Variants in TNRC6C observed in about 807,000 individuals in gnomAD.
TNRC6C encodes trinucleotide repeat-containing gene 6C protein.
Under a neutral mutation model 153.7 loss-of-function variants are expected in TNRC6C, and 20 were observed. The observed-to-expected ratio is 0.13, with a 90% CI of 0.09 to 0.19. The LOEUF is 0.19. Ranked by LOEUF, TNRC6C falls within the 10% of genes least tolerant of loss-of-function variation. TNRC6C has a pLI of 1.00. For synonymous variants in TNRC6C, 811 were observed against 841.4 expected (o/e 0.96, Z 0.63); for missense variants, 1,987 against 2,172.0 (o/e 0.91, Z 1.69).
chr17:78,050,394 G>A, exon 3 of TNRC6C: 2 of 1,614,008 alleles, frequency 1.2e-6, no homozygotes, highest in Non-Finnish European at 1.7e-6. Context: ...CAAGAGTTCT[G>A]TCTAATACTG....
At chr17:77,969,162 A>G (rs2070921624) in intron 1 of TNRC6C, among the ~76,000 whole-genome samples, 1 of 152,228 alleles carries the variant, frequency 6.6e-6, no homozygotes. Context: ...TGAAGAAGCC[A>G]GGTCACCTAA....
intron 12 of TNRC6C, 61 bp from the exon 15 acceptor site, chr17:78,086,792 C>G (rs1380357523): frequency 2.6e-5 from 41 of 1,591,592 alleles, no homozygotes; most frequent in Non-Finnish European, 3.5e-5. Context: ...CATTTGGTCC[C>G]TAGACAAGCC....
intron 11 of TNRC6C, 118 bp from the exon 14 acceptor site, chr17:78,086,385 G>A (rs1461879343): frequency 3.0e-6 from 2 of 675,044 alleles, no homozygotes; most frequent in East Asian, 3.4e-5. Context: ...CACAGTATGG[G>A]CCAAGAAGAG....
exon 3 of TNRC6C, chr17:78,051,385 G>A: frequency 6.5e-7 from 1 of 1,550,228 alleles, no homozygotes; most frequent in Non-Finnish European, 8.7e-7. Flanking sequence ...CACACACAGG[G>A]TCGAGACGCC....
chr17:78,099,104 A>C (rs956962233), intron 17 of TNRC6C, among the ~76,000 whole-genome samples: 10 of 152,182 alleles, frequency 6.6e-5, no homozygotes, highest in Non-Finnish European at 1.5e-4. Flanking sequence ...TAGGAAACTG[A>C]AGATTTACAC....
intron 18 of TNRC6C, among the ~76,000 whole-genome samples, chr17:78,103,104 G>A (rs2073627427): frequency 6.6e-6 from 1 of 152,228 alleles, no homozygotes; most frequent in African/African-American, 2.4e-5. Context: ...GGACCCAGGT[G>A]CCTTTTGCAA....
chr17:78,076,141 G>A (rs923163334), intron 8 of TNRC6C, among the ~76,000 whole-genome samples: 3 of 151,898 alleles, frequency 2.0e-5, no homozygotes, highest in South Asian at 2.1e-4. Flanking sequence ...GCTTGAACCC[G>A]GGAGGCGGAG....
intron 3 of TNRC6C, among the ~76,000 whole-genome samples, chr17:78,060,098 C>T (rs2072737643): frequency 6.6e-6 from 1 of 152,154 alleles, no homozygotes; most frequent in Non-Finnish European, 1.5e-5. Context: ...AACCCTCAAA[C>T]AGAGTCCCCT....
chr17:77,960,718 C>A (rs1222566609), intron 1 of TNRC6C, among the ~76,000 whole-genome samples: 3 of 152,196 alleles, frequency 2.0e-5, no homozygotes, highest in Non-Finnish European at 4.4e-5. Context: ...TGTTCCAGAA[C>A]AGCAGAGGTG....
At chr17:78,105,038 C>T in exon 20 of TNRC6C, 1 of 519,764 alleles carries the variant, frequency 1.9e-6, no homozygotes, top group Non-Finnish European at 3.0e-6. Flanking sequence ...GTCAGCGTCA[C>T]ATGCTAATGA....
At position 78,070,882 on chromosome 17, in the gene TNRC6C, C is replaced by T. The variant is rs148552135; in HGVS notation, c.2779-203C>T. 2.2e-3 allele frequency among the ~76,000 whole-genome samples: 332 copies of T among 152,240 alleles called. 1 individual carries two copies. The highest frequency in any genetic ancestry group is 7.7e-3 in the African/African-American group (318 of 41,542). Reference sequence around the variant, plus strand: ...TTCATAAATTGCACATATATACCAACCTGCAAATGTACCTTGATGCTTTCC... The same window carrying T: ...TTCATAAATTGCACATATATACCAATCTGCAAATGTACCTTGATGCTTTCC... On this transcript the variant is annotated intron_variant, in intron 5 of 19. Coordinates refer to ENST00000301624, the Ensembl canonical transcript of TNRC6C.
intron 2 of TNRC6C, among the ~76,000 whole-genome samples, chr17:78,040,475 A>G (rs1367831962): frequency 6.6e-6 from 1 of 152,198 alleles, no homozygotes; most frequent in African/African-American, 2.4e-5. Context: ...TAGAGGCAGG[A>G]AAGTAATTAA....
chr17:78,103,665 C>G, intron 19 of TNRC6C, 112 bp downstream of exon 22: 2 of 1,438,958 alleles, frequency 1.4e-6, no homozygotes, highest in South Asian at 2.7e-5. Flanking sequence ...ATCCCACAGG[C>G]TGGCCACCCT....
At chr17:77,972,526 A>G (rs1223591071) in intron 1 of TNRC6C, among the ~76,000 whole-genome samples, 2 of 151,720 alleles carry the variant, frequency 1.3e-5, no homozygotes, top group Non-Finnish European at 2.9e-5. Flanking sequence ...AAAAAAAAAA[A>G]GAATGAAAGA....
intron 13 of TNRC6C, among the ~76,000 whole-genome samples, chr17:78,088,675 T>C (rs1019439706): frequency 6.6e-6 from 1 of 151,142 alleles, no homozygotes; most frequent in Non-Finnish European, 1.5e-5. Context: ...TCATAGCTCA[T>C]TGCAGCCTCA....
At chr17:78,054,804 A>G (rs1246071016) in intron 3 of TNRC6C, among the ~76,000 whole-genome samples, 25 of 150,824 alleles carry the variant, frequency 1.7e-4, no homozygotes, top group Non-Finnish European at 4.4e-5. Flanking sequence ...GTACACTACT[A>G]TACACCACTG....
intron 1 of TNRC6C, among the ~76,000 whole-genome samples, chr17:77,965,861 C>T (rs955428364): frequency 6.6e-6 from 1 of 152,182 alleles, no homozygotes; most frequent in African/African-American, 2.4e-5. Context: ...AATATGTTTA[C>T]CTTTATTGGC....
chr17:77,975,973 A>G (rs1567896286), intron 1 of TNRC6C, among the ~76,000 whole-genome samples: 1 of 152,196 alleles, frequency 6.6e-6, no homozygotes, highest in African/African-American at 2.4e-5. Context: ...ACTCTGGGCT[A>G]GATTTCTAGG....
intron 1 of TNRC6C, among the ~76,000 whole-genome samples, chr17:77,970,424 G>C (rs897330495): frequency 6.6e-6 from 1 of 152,088 alleles, no homozygotes; most frequent in African/African-American, 2.4e-5. Context: ...TTTTAAAATT[G>C]TTTTTGTAAA....
Sources: gnomAD v4.1 joint callset for allele counts (sites outside exome capture counted in the v4.1 genomes callset) on GRCh38, gnomAD v4.1.1 for gene constraint, MANE v1.5 for transcripts, NCBI Gene and HGNC (gene_info 2026-07-23, HGNC 2026-07-21) for gene names.